TANGO6: variants seen among roughly 807,000 people sequenced by gnomAD.
The protein encoded by TANGO6 is transport and golgi organization 6 homolog, also known as transport and Golgi organization protein 6 homolog.
A neutral mutation model predicts 114.2 loss-of-function variants in TANGO6; 90 were observed. That is an observed-to-expected ratio of 0.79 (90% CI 0.66 to 0.94). The LOEUF (loss-of-function observed/expected upper bound fraction) is 0.94. Among genes scored for constraint, TANGO6 ranks in the 40% least tolerant of loss-of-function variants. The pLI is 0.00. For missense variants in TANGO6, 1,274 were observed against 1,315.3 expected, an observed-to-expected ratio of 0.97 and a Z score of 0.49; for synonymous variants, 477 against 509.8, an observed-to-expected ratio of 0.94 and a Z score of 0.87.
Position 68,860,269 on chromosome 16 carries a change from T to A in TANGO6, c.480T>A (p.Tyr160Ter). The A allele has an allele frequency of 6.2e-7, 1 of 1,613,976 alleles. No homozygotes were observed. Among genetic ancestry groups the A allele is most frequent in the African/African-American group, 1.3e-5 (1 of 75,022 alleles). Residue 160 changes from tyrosine (Y) to a stop codon, truncating the protein, a stop_gained, in exon 2 of 18, where the codon TAT (tyrosine) becomes TAA (stop). Transcript: ENST00000261778. LOFTEE classifies it high-confidence loss of function. ...TAGTTACCTTGGGTATCTGCCCCTA[T>A]CTCATGCCTGGTGTTGGAGTCCCTT... ...QFVVTLGICPYLMPGVGVPLR... is the reference protein window; with the variant it reads ...QFVVTLGICP
At chr16:68,881,040 C>G (rs965949577) in intron 7 of TANGO6, among the ~76,000 whole-genome samples, 2 of 152,156 alleles carry the variant, frequency 1.3e-5, no homozygotes, top group Non-Finnish European at 2.9e-5. Flanking sequence ...CCTCTTGCCT[C>G]TGCCTCCCTA....
In TANGO6 at chr16:69,079,333, C is replaced by CAAATAAAT. The variant is rs61531560; in HGVS notation, c.3109-4134_3109-4127dup. On this transcript the variant is annotated intron_variant, in intron 17 of 17. Transcript: ENST00000261778. ...AACAAGAGCAAAACTGTCTCAAAAA[C>CAAATAAAT]AAATAAATAAATAAATAAATAAATA... 1.1e-3 allele frequency among the ~76,000 whole-genome samples: 166 copies of CAAATAAAT among 150,728 alleles called. 1 individual carries two copies. Among genetic ancestry groups the CAAATAAAT allele is most frequent in the African/African-American group, 1.7e-3 (69 of 41,208 alleles).
intron 7 of TANGO6, 100 bp from the exon 8 acceptor site, chr16:68,900,333 AT>A: frequency 2.3e-6 from 2 of 867,140 alleles, no homozygotes; most frequent in Admixed American, 4.2e-5. Context: ...CGGATGAGAT[AT>A]TGCTTAAGAC....
At chr16:68,976,279 G>C (rs1300785828) in intron 15 of TANGO6, among the ~76,000 whole-genome samples, 4 of 152,202 alleles carry the variant, frequency 2.6e-5, no homozygotes, top group Non-Finnish European at 4.4e-5. Flanking sequence ...CTGTTGTAAA[G>C]ATTAAATAAG....
At chr16:68,878,548 G>A (rs1210661534) in intron 6 of TANGO6, among the ~76,000 whole-genome samples, 1 of 151,928 alleles carries the variant, frequency 6.6e-6, no homozygotes, top group East Asian at 1.9e-4. Flanking sequence ...TGTCTTTTCT[G>A]AAGCATTTGA....
intron 17 of TANGO6, among the ~76,000 whole-genome samples, chr16:69,061,736 GGCCGGGCGCGCGGTGGCTC>G (rs1960118731): frequency 1.3e-5 from 2 of 151,420 alleles, no homozygotes; most frequent in Non-Finnish European, 2.9e-5. Flanking sequence ...ATGCATTTCC[GGCCGGGCGCGCGGTGGCTC>G]ACGCCTGTAA....
At chr16:68,890,152 T>A (rs1962590696) in intron 7 of TANGO6, among the ~76,000 whole-genome samples, 1 of 152,210 alleles carries the variant, frequency 6.6e-6, no homozygotes, top group African/African-American at 2.4e-5. Flanking sequence ...GTGTTAGGAT[T>A]CAGTCAGCTT....
At chr16:69,022,760 A>G (rs1339779276) in intron 15 of TANGO6, 68 bp from the exon 16 acceptor site, 1 of 1,486,086 alleles carries the variant, frequency 6.7e-7, no homozygotes, top group African/African-American at 1.4e-5. Flanking sequence ...ATGGAAATAT[A>G]ATTCTTCCTT....
intron 4 of TANGO6, among the ~76,000 whole-genome samples, chr16:68,874,913 A>G (rs1962331163): frequency 6.6e-6 from 1 of 152,084 alleles, no homozygotes; most frequent in Admixed American, 6.6e-5. Flanking sequence ...TCATGCCACT[A>G]CATTCCAGCC....
chr16:68,967,398 C>T (rs1030434582), intron 14 of TANGO6, among the ~76,000 whole-genome samples: 7 of 152,112 alleles, frequency 4.6e-5, no homozygotes, highest in Non-Finnish European at 8.8e-5. Flanking sequence ...AATAATGCTC[C>T]CTTGCTGCTC....
At position 68,920,652 on chromosome 16, in the gene TANGO6, C is replaced by T. The variant is rs182926527; in HGVS notation, c.2127+1433C>T. On this transcript the variant is annotated intron_variant, in intron 12 of 17. Coordinates refer to ENST00000261778, the MANE Select transcript of TANGO6 (RefSeq NM_024562.2). Reference sequence around the variant, plus strand: ...GAATGGATTTTTGAGCTTGAGGATTCAAATCTGATTCTGATTCTCGATGTA... The same window carrying T: ...GAATGGATTTTTGAGCTTGAGGATTTAAATCTGATTCTGATTCTCGATGTA... 3.4e-4 allele frequency among the ~76,000 whole-genome samples: 51 copies of T among 152,172 alleles called. No homozygotes were observed. In the East Asian group the frequency reaches 9.5e-3, roughly 28 times the overall value.
chr16:69,040,949 C>CAT lies in TANGO6; in HGVS notation c.3108+542_3108+543dup, dbSNP rs760122087. Among the ~76,000 whole-genome samples, 241 of 150,878 alleles carry CAT rather than the reference C, an allele frequency of 1.6e-3. 1 individual carries two copies. Among genetic ancestry groups the CAT allele is most frequent in the East Asian group, 3.7e-3 (19 of 5,162 alleles). On this transcript the variant is annotated intron_variant, in intron 17 of 17. Transcript: ENST00000261778. ...AATACAGGAAGAAAGTATATATTTA[C>CAT]ATATATATATATATAAAAAACCATA...
intron 17 of TANGO6, among the ~76,000 whole-genome samples, chr16:69,050,176 G>C (rs150850376): frequency 1.7e-3 from 261 of 152,206 alleles, no homozygotes; most frequent in Middle Eastern, 3.4e-3. Flanking sequence ...GTGACTGCAT[G>C]AGTTTACATT....
intron 5 of TANGO6, among the ~76,000 whole-genome samples, chr16:68,877,496 A>G (rs1438850476): frequency 1.3e-5 from 2 of 151,444 alleles, no homozygotes; most frequent in Non-Finnish European, 2.9e-5. Context: ...AAAAAGAAAA[A>G]TGTGGAGGGA....
intron 14 of TANGO6, among the ~76,000 whole-genome samples, chr16:68,972,807 C>T (rs1304615935): frequency 6.6e-6 from 1 of 151,902 alleles, no homozygotes; most frequent in Non-Finnish European, 1.5e-5. Context: ...AGGAGGGTGC[C>T]GTTTTATATG....
Position 68,878,238 on chromosome 16 carries a change from C to T in TANGO6, c.1252C>T (p.Gln418Ter). Residue 418 changes from glutamine to a stop codon, truncating the protein, a stop_gained, in exon 6 of 18, where the codon CAG (glutamine) becomes TAG (stop). Transcript: ENST00000261778. LOFTEE classifies it high-confidence loss of function. ...RPHLAAKYLLQPVLAPLHRCL... is the reference protein window; with the variant it reads ...RPHLAAKYLL ...ACATTTGGCAGCAAAGTATTTGCTCCAGCCAGTGTTAGCTCCTCTTCATCG... is the reference window on the plus strand; with the variant it reads ...ACATTTGGCAGCAAAGTATTTGCTCTAGCCAGTGTTAGCTCCTCTTCATCG... The T allele has an allele frequency of 6.2e-7, 1 of 1,612,638 alleles. No individual in the cohort carries two copies. The highest frequency in any genetic ancestry group is 8.5e-7 in the Non-Finnish European group (1 of 1,179,406).
intron 17 of TANGO6, among the ~76,000 whole-genome samples, chr16:69,068,984 T>C (rs1375685872): frequency 6.6e-6 from 1 of 152,222 alleles, no homozygotes; most frequent in Admixed American, 6.5e-5. Flanking sequence ...GCCACAGTGC[T>C]GGGATTACAG....
intron 17 of TANGO6, among the ~76,000 whole-genome samples, chr16:69,075,915 C>T (rs1960369875): frequency 6.6e-6 from 1 of 151,672 alleles, no homozygotes. Context: ...CAGGCGTGCA[C>T]CACCGTGCCC....
intron 5 of TANGO6, among the ~76,000 whole-genome samples, chr16:68,876,148 G>A (rs1962354532): frequency 6.6e-6 from 1 of 150,858 alleles, no homozygotes; most frequent in South Asian, 2.1e-4. Context: ...TACACATGAT[G>A]GTACAATTAA....
Sources: gnomAD v4.1 joint callset for allele counts (sites outside exome capture counted in the v4.1 genomes callset) on GRCh38, gnomAD v4.1.1 for gene constraint, MANE v1.5 for transcripts, NCBI Gene and HGNC (gene_info 2026-07-23, HGNC 2026-07-21) for gene names.